The following PCDHGB4 variants were observed in gnomAD, a reference collection of about 807,000 sequenced individuals.
PCDHGB4 encodes the protein protocadherin gamma subfamily B, 4.
Under a neutral mutation model 60.5 loss-of-function variants are expected in PCDHGB4, and 38 were observed. The observed-to-expected ratio is 0.63, with a 90% CI of 0.48 to 0.82. The LOEUF (loss-of-function observed/expected upper bound fraction) is 0.82. Among genes scored for constraint, PCDHGB4 ranks in the 40% least tolerant of loss-of-function variants. The probability of loss-of-function intolerance (pLI) is 0.00; values close to 1 mark genes in which losing one functional copy is unlikely to be tolerated. For missense variants in PCDHGB4, 1,109 were observed against 1,209.6 expected, an observed-to-expected ratio of 0.92 and a Z score of 1.23; for synonymous variants, 456 against 509.7, an observed-to-expected ratio of 0.89 and a Z score of 1.42.
At chr5:141,403,552 G>T (rs1228068556) in intron 1 of PCDHGB4, 5 of 1,613,892 alleles carry the variant, frequency 3.1e-6, no homozygotes, top group Non-Finnish European at 4.2e-6. Context: ...AGCGCGCCCT[G>T]GACAGGGAGG....
Position 141,491,436 on chromosome 5 carries a change from G to A in PCDHGB4, c.2398-3371G>A, listed in dbSNP as rs771884610. ...ACGGGGGTGGAGGGCAGTGCTGCAG[G>A]CGCCAGGACTCACCCTCCCCGGACT... On this transcript the variant is annotated intron_variant, in intron 1 of 3. Coordinates refer to ENST00000519479, the MANE Select transcript of PCDHGB4 (RefSeq NM_003736.4). This position sits in a 1 kb window ranked among gnomAD's most constrained non-coding sequence, Gnocchi z 6.9. 1 of 1,614,070 alleles carries A rather than the reference G, an allele frequency of 6.2e-7. No individual in the cohort carries two copies. The highest frequency in any genetic ancestry group is 8.5e-7 in the Non-Finnish European group (1 of 1,180,034).
At chr5:141,450,129 C>T (rs1211301953) in intron 1 of PCDHGB4, among the ~76,000 whole-genome samples, 1 of 151,472 alleles carries the variant, frequency 6.6e-6, no homozygotes, top group African/African-American at 2.4e-5. Context: ...GCCTTAGCCT[C>T]CTGAGTAGCT....
At chr5:141,398,980 G>T in intron 1 of PCDHGB4, 1 of 1,613,860 alleles carries the variant, frequency 6.2e-7, no homozygotes, top group Non-Finnish European at 8.5e-7. Context: ...CTACAGAACC[G>T]GGCAAATCTT....
intron 1 of PCDHGB4, chr5:141,409,740 T>C: frequency 6.2e-7 from 1 of 1,612,820 alleles, no homozygotes; most frequent in Non-Finnish European, 8.5e-7. Context: ...CAGAGCGGGG[T>C]GGTGTTCGCG....
rs1156927948 is a variant in PCDHGB4, at chr5:141,490,342, G to A, written c.2398-4465G>A. 16 of 1,614,126 alleles carry A rather than the reference G, an allele frequency of 9.9e-6. 1 individual carries two copies. In the Admixed American group the frequency reaches 1.3e-4, roughly 13 times the overall value. ...CCTAGAGAGCACACCAGTGGGCACA[G>A]TAGTGGGGTTGTTTAATGTGCGAGA... On this transcript the variant is annotated intron_variant, in intron 1 of 3. Coordinates refer to ENST00000519479, the MANE Select transcript of PCDHGB4 (RefSeq NM_003736.4). This position sits in a 1 kb window ranked among gnomAD's most constrained non-coding sequence, Gnocchi z 5.4.
At chr5:141,441,709 C>T in intron 1 of PCDHGB4, 1 of 321,306 alleles carries the variant, frequency 3.1e-6, no homozygotes, top group Non-Finnish European at 6.1e-6. Flanking sequence ...TTCAAGCTCA[C>T]GCTGCAGGCC....
rs190955361 is a variant in PCDHGB4, at chr5:141,486,090, G to A, written c.2398-8717G>A. On this transcript the variant is annotated intron_variant, in intron 1 of 3. Transcript: ENST00000519479. The surrounding 1 kb of genome is among the most constrained non-coding windows in gnomAD (Gnocchi z 5.0). ...ACTACTGGAAAGCTTACTCTTTTGG[G>A]GCCCCTAGACTTTGAGAGTGAGAAT... 3 of 1,614,086 alleles carry A rather than the reference G, an allele frequency of 1.9e-6. No homozygotes were observed. The highest frequency in any genetic ancestry group is 1.6e-4 in the Middle Eastern group (1 of 6,062).
At chr5:141,461,063 C>T (rs1472437531) in intron 1 of PCDHGB4, among the ~76,000 whole-genome samples, 1 of 151,796 alleles carries the variant, frequency 6.6e-6, no homozygotes, top group Non-Finnish European at 1.5e-5. Flanking sequence ...GTTGGTTTCA[C>T]ATTTTTGCAA....
rs551220443 is a variant in PCDHGB4, at chr5:141,432,206, G to A, written c.2397+41925G>A. On this transcript the variant is annotated intron_variant, in intron 1 of 3. Transcript: ENST00000519479. The surrounding 1 kb of genome is among the most constrained non-coding windows in gnomAD (Gnocchi z 6.0). ...GACCGCCCACGACCCCGACTGTGAA[G>A]AGAACGCCCAGATCACTTATTCCCT... The A allele has an allele frequency of 6.2e-7, 1 of 1,614,096 alleles. No individual in the cohort carries two copies. Among genetic ancestry groups the A allele is most frequent in the Non-Finnish European group, 8.5e-7 (1 of 1,180,042 alleles).
At position 141,438,276 on chromosome 5, in the gene PCDHGB4, ATAATT is replaced by A. The variant is rs533892835; in HGVS notation, c.2397+48000_2397+48004del. ...TGAAGAGACCATAGAATCAAACAAA[ATAATT>A]TAATCTGTATGTAAAAGAAGTTGGT... On this transcript the variant is annotated intron_variant, in intron 1 of 3. Coordinates refer to ENST00000519479, the MANE Select transcript of PCDHGB4 (RefSeq NM_003736.4). 1.4e-3 allele frequency among the ~76,000 whole-genome samples: 213 copies of A among 152,246 alleles called. 1 individual carries two copies. The highest frequency in any genetic ancestry group is 4.8e-3 in the African/African-American group (199 of 41,534).
intron 1 of PCDHGB4, chr5:141,427,068 G>A (rs1407368715): frequency 2.2e-6 from 1 of 457,950 alleles, no homozygotes; most frequent in East Asian, 6.9e-5. Flanking sequence ...TGTACTAAAG[G>A]TGACAGCCAC....
intron 2 of PCDHGB4, among the ~76,000 whole-genome samples, chr5:141,499,528 G>T (rs961802549): frequency 1.3e-5 from 2 of 152,142 alleles, no homozygotes; most frequent in African/African-American, 2.4e-5. Context: ...AAAGTAGAGA[G>T]AATGGTGTCA....
At chr5:141,441,725 C>T (rs2098268012) in intron 1 of PCDHGB4, 3 of 352,332 alleles carry the variant, frequency 8.5e-6, no homozygotes. Flanking sequence ...AGGCCCGCGA[C>T]CAGGACTAGC....
At chr5:141,449,933 G>A (rs1012332454) in intron 1 of PCDHGB4, among the ~76,000 whole-genome samples, 1 of 149,752 alleles carries the variant, frequency 6.7e-6, no homozygotes, top group African/African-American at 2.5e-5. Flanking sequence ...ATACCTTATA[G>A]TATATTTTAC....
In PCDHGB4 at chr5:141,392,907, C is replaced by T. The variant is rs746317747; in HGVS notation, c.2397+2626C>T. The T allele has an allele frequency of 5.6e-6, 9 of 1,613,824 alleles. No homozygotes were observed. In the East Asian group the frequency reaches 1.8e-4, roughly 32 times the overall value. On this transcript the variant is annotated intron_variant, in intron 1 of 3. Coordinates refer to ENST00000519479, the MANE Select transcript of PCDHGB4 (RefSeq NM_003736.4). Reference sequence around the variant, plus strand: ...GTGGGAAATCGGGAGGGGACAGATTCGCTACTCTGTGCCAGAAGAGACGGA... The same window carrying T: ...GTGGGAAATCGGGAGGGGACAGATTTGCTACTCTGTGCCAGAAGAGACGGA...
intron 1 of PCDHGB4, chr5:141,393,960 G>A (rs2092885452): frequency 4.3e-6 from 7 of 1,613,944 alleles, no homozygotes; most frequent in Non-Finnish European, 5.1e-6. Context: ...TGGTCAAGTT[G>A]TCTGTTACAC....
chr5:141,413,914 A>G (rs776089620), intron 1 of PCDHGB4: 13 of 1,613,234 alleles, frequency 8.1e-6, no homozygotes. Flanking sequence ...GCCGGTCTTC[A>G]CCTTGCCAGA....
At chr5:141,393,909 A>G (rs2092874602) in intron 1 of PCDHGB4, 1 of 1,613,980 alleles carries the variant, frequency 6.2e-7, no homozygotes, top group Non-Finnish European at 8.5e-7. Flanking sequence ...CGGGACAGTA[A>G]TTGCCTTCTT....
chr5:141,476,564 C>G lies in PCDHGB4; in HGVS notation c.2398-18243C>G, dbSNP rs2099393821. 1.2e-6 allele frequency: 2 copies of G among 1,614,196 alleles called. No individual in the cohort carries two copies. Among genetic ancestry groups the G allele is most frequent in the South Asian group, 1.1e-5 (1 of 91,086 alleles). ...ATTGGAGATTAGCGAGGCCGTGGCT[C>G]CGGGGACGCGCTTTCCGCTCGAGAG... On this transcript the variant is annotated intron_variant, in intron 1 of 3. Coordinates refer to ENST00000519479, the MANE Select transcript of PCDHGB4 (RefSeq NM_003736.4). This position sits in a 1 kb window ranked among gnomAD's most constrained non-coding sequence, Gnocchi z 7.6.
Sources: gnomAD v4.1 joint callset for allele counts (sites outside exome capture counted in the v4.1 genomes callset) on GRCh38, gnomAD v4.1.1 for gene constraint, Gnocchi (gnomAD v3.1) non-coding constraint, MANE v1.5 for transcripts, NCBI Gene and HGNC (gene_info 2026-07-23, HGNC 2026-07-21) for gene names.